The following ATP6V1G3 variants were observed in gnomAD, a reference collection of about 807,000 sequenced individuals.
ATP6V1G3 encodes the protein ATPase H+ transporting V1 subunit G3.
Under a neutral mutation model 9.3 loss-of-function variants are expected in ATP6V1G3, and 9 were observed. The ratio of observed to expected loss-of-function variants is 0.97; its 90% confidence interval spans 0.59 to 1.69. The LOEUF is 1.69. Ranked by LOEUF, ATP6V1G3 falls within the 40% of genes most tolerant of loss-of-function variation. The pLI, the probability that ATP6V1G3 is intolerant of heterozygous loss-of-function variation, is 0.00. For missense variants in ATP6V1G3, 133 were observed against 139.0 expected (o/e 0.96, Z 0.22); for synonymous variants, 43 against 43.8 (o/e 0.98, Z 0.07).
chr1:198,537,162 C>T (rs1056513753), intron 1 of ATP6V1G3, among the ~76,000 whole-genome samples: 3 of 152,122 alleles, frequency 2.0e-5, no homozygotes, highest in East Asian at 3.8e-4. Context: ...CTATAGACCG[C>T]GTGGCCTTCT....
chr1:198,536,847 G>A (rs997695973), intron 1 of ATP6V1G3: 3 of 777,064 alleles, frequency 3.9e-6, no homozygotes, highest in African/African-American at 3.5e-5. Flanking sequence ...AATAACTCTA[G>A]TGTGTATTTT....
In ATP6V1G3 at chr1:198,529,077, T is replaced by C. The variant is rs749734424; in HGVS notation, c.183+4A>G. ...TAAGAAACAGTGCTGACTTTCTTAC[T>C]CACCTTAGATTGTTTTAGTCGAAAC... On this transcript the variant is annotated splice_donor_region_variant and intron_variant, in intron 2 of 2. Transcript: ENST00000367382. The C allele has an allele frequency of 1.4e-6, 2 of 1,418,732 alleles. No homozygotes were observed. The highest frequency in any genetic ancestry group is 1.9e-6 in the Non-Finnish European group (2 of 1,026,146). 87.9% of individuals were successfully genotyped at this position (1,418,732 alleles called of 1,614,324 possible). A position where few individuals can be genotyped will look rare whatever the true frequency, so the allele number is the denominator to read the frequency against.
chr1:198,525,757 C>T (rs1239726098), intron 2 of ATP6V1G3, among the ~76,000 whole-genome samples: 1 of 152,100 alleles, frequency 6.6e-6, no homozygotes, highest in Non-Finnish European at 1.5e-5. Context: ...TTGGGACTAG[C>T]TACACTTCAA....
intron 1 of ATP6V1G3, among the ~76,000 whole-genome samples, chr1:198,532,163 C>T (rs532056401): frequency 3.4e-4 from 52 of 152,148 alleles, no homozygotes; most frequent in African/African-American, 1.2e-3. Context: ...TCATTGGGGC[C>T]TGTATATATG....
chr1:198,536,692 A>C (rs1259951382), intron 1 of ATP6V1G3: 15 of 1,606,016 alleles, frequency 9.3e-6, no homozygotes, highest in Non-Finnish European at 1.2e-5. Flanking sequence ...AAGCAGTCCC[A>C]GTCTCTTCGT....
intron 2 of ATP6V1G3, among the ~76,000 whole-genome samples, chr1:198,528,151 T>G (rs1558177168): frequency 6.6e-6 from 1 of 152,152 alleles, no homozygotes; most frequent in African/African-American, 2.4e-5. Flanking sequence ...ATTTCTTGTT[T>G]GCAAACATTG....
intron 2 of ATP6V1G3, among the ~76,000 whole-genome samples, chr1:198,525,906 T>A (rs1571712553): frequency 6.6e-6 from 1 of 152,152 alleles, no homozygotes; most frequent in Admixed American, 6.6e-5. Context: ...TAAAGATGAC[T>A]CTTAGCTCAG....
intron 1 of ATP6V1G3, among the ~76,000 whole-genome samples, chr1:198,533,335 G>A (rs547393400): frequency 6.6e-6 from 1 of 151,832 alleles, no homozygotes; most frequent in East Asian, 1.9e-4. Flanking sequence ...TGGCTGGTGT[G>A]GTGAAAATAG....
chr1:198,532,393 CA>C (rs1440094189), intron 1 of ATP6V1G3, among the ~76,000 whole-genome samples: 1 of 152,116 alleles, frequency 6.6e-6, no homozygotes, highest in Non-Finnish European at 1.5e-5. Flanking sequence ...TCAAAAGACA[CA>C]GAGAACTGAA....
intron 2 of ATP6V1G3, among the ~76,000 whole-genome samples, chr1:198,524,123 A>ATTT (rs10712995): frequency 7.5e-6 from 1 of 133,280 alleles, no homozygotes; most frequent in Admixed American, 7.5e-5. Context: ...TATATGCACA[A>ATTT]TTTTTTTTTT....
At chr1:198,534,763 A>G (rs139125690) in intron 1 of ATP6V1G3, among the ~76,000 whole-genome samples, 24 of 152,324 alleles carry the variant, frequency 1.6e-4, no homozygotes, top group African/African-American at 5.8e-4. Context: ...GTTAGTAATA[A>G]CAACTTTTGA....
chr1:198,540,490 T>G (rs1047258067), intron 1 of ATP6V1G3, 79 bp downstream of exon 1: 4 of 1,469,156 alleles, frequency 2.7e-6, no homozygotes, highest in African/African-American at 2.8e-5. Flanking sequence ...AAGGTCTGCC[T>G]AATCCAAAAG....
upstream of ATP6V1G3, chr1:198,540,782 G>A (rs1020159680): frequency 2.2e-6 from 2 of 925,086 alleles, no homozygotes; most frequent in Non-Finnish European, 3.4e-6. Flanking sequence ...TTTCAAACTG[G>A]CTTTATTGGG....
intron 2 of ATP6V1G3, among the ~76,000 whole-genome samples, chr1:198,528,212 T>A (rs1659741398): frequency 6.6e-6 from 1 of 152,086 alleles, no homozygotes; most frequent in African/African-American, 2.4e-5. Flanking sequence ...AGAAAGGACC[T>A]TTTTTATTTG....
At chr1:198,524,269 C>T (rs545348918) in intron 2 of ATP6V1G3, among the ~76,000 whole-genome samples, 17 of 151,956 alleles carry the variant, frequency 1.1e-4, no homozygotes, top group African/African-American at 3.6e-4. Context: ...GGACTACAGG[C>T]GTGTGCCATG....
intron 2 of ATP6V1G3, among the ~76,000 whole-genome samples, chr1:198,524,362 A>G (rs773860318): frequency 6.6e-6 from 1 of 151,982 alleles, no homozygotes; most frequent in Non-Finnish European, 1.5e-5. Flanking sequence ...TGACCTGGTA[A>G]TCCGCCTTCC....
intron 1 of ATP6V1G3, among the ~76,000 whole-genome samples, chr1:198,531,112 T>C (rs1659881249): frequency 6.6e-6 from 1 of 152,020 alleles, no homozygotes; most frequent in South Asian, 2.1e-4. Flanking sequence ...GCTCAGAGCG[T>C]GTCTGTGATT....
intron 1 of ATP6V1G3, among the ~76,000 whole-genome samples, chr1:198,529,957 A>G (rs1659830002): frequency 1.3e-5 from 2 of 152,088 alleles, no homozygotes; most frequent in East Asian, 1.9e-4. Context: ...TGCTGTGGTA[A>G]TCATTAGCTG....
chr1:198,527,678 C>G (rs1188594457), intron 2 of ATP6V1G3, among the ~76,000 whole-genome samples: 3 of 152,064 alleles, frequency 2.0e-5, no homozygotes, highest in Non-Finnish European at 4.4e-5. Flanking sequence ...ATATTTATTG[C>G]ATGTCTACTG....
Sources: gnomAD v4.1 joint callset for allele counts (sites outside exome capture counted in the v4.1 genomes callset) on GRCh38, gnomAD v4.1.1 for gene constraint, MANE v1.5 for transcripts, NCBI Gene and HGNC (gene_info 2026-07-23, HGNC 2026-07-21) for gene names.